The following ATOX1 variants were observed in gnomAD, a reference collection of about 807,000 sequenced individuals.
ATOX1 encodes the protein copper transport protein ATOX1.
In ATOX1, 4 loss-of-function variants were observed where a neutral mutation model predicts 7.3. That is an observed-to-expected ratio of 0.55 (90% CI 0.27 to 1.25). The LOEUF (loss-of-function observed/expected upper bound fraction) is 1.25. Among genes scored for constraint, ATOX1 ranks in the 50% most tolerant of loss-of-function variants. ATOX1 has a pLI of 0.12. For synonymous variants in ATOX1, 25 were observed against 28.7 expected, an observed-to-expected ratio of 0.87 and a Z score of 0.41; for missense variants, 68 against 81.6, an observed-to-expected ratio of 0.83 and a Z score of 0.64.
chr5:151,746,641 T>C lies in ATOX1; in HGVS notation c.83-192A>G, dbSNP rs187760467. ...GGCATTGTGGGTCACATATAGACTCTGTTGTATATTCTGTGTATTTTTTTT... is the reference window on the plus strand; with the variant it reads ...GGCATTGTGGGTCACATATAGACTCCGTTGTATATTCTGTGTATTTTTTTT... On this transcript the variant is annotated intron_variant, in intron 2 of 3. Transcript: ENST00000313115. The C allele has an allele frequency of 2.5e-4, 146 of 586,382 alleles. 1 individual carries two copies. In the East Asian group the frequency reaches 2.9e-3, roughly 12 times the overall value. The allele number at this position is 586,382 out of a possible 1,614,324, so 36.3% of individuals were successfully genotyped here.
intron 1 of ATOX1, 81 bp from the exon 2 acceptor site, chr5:151,751,860 G>T: frequency 7.1e-7 from 1 of 1,406,140 alleles, no homozygotes; most frequent in South Asian, 1.2e-5. Context: ...CCCACTCAGG[G>T]TCAAGACAGA....
chr5:151,755,072 A>G (rs1484408415), intron 1 of ATOX1, among the ~76,000 whole-genome samples: 1 of 151,656 alleles, frequency 6.6e-6, no homozygotes, highest in African/African-American at 2.4e-5. Flanking sequence ...AGAGTTGAGT[A>G]GTTGTACCAG....
At chr5:151,742,987 C>T (rs1222495624) in intron 3 of ATOX1, 28 bp from the exon 4 acceptor site, 1 of 152,360 alleles carries the variant, frequency 6.6e-6, no homozygotes. Flanking sequence ...TTAGATGGAA[C>T]AAAGGTGCCA....
At chr5:151,746,234 G>A (rs1761877044) in intron 3 of ATOX1, 45 bp downstream of exon 3, 11 of 1,543,760 alleles carry the variant, frequency 7.1e-6, no homozygotes, top group Non-Finnish European at 9.6e-6. Context: ...CTGATGAGAG[G>A]TGTGAGCTGT....
intron 2 of ATOX1, among the ~76,000 whole-genome samples, chr5:151,747,605 GAC>G (rs1761894963): frequency 7.8e-6 from 1 of 128,736 alleles, no homozygotes. Context: ...TTTTTTTTTT[GAC>G]ACAGAGTCTC....
Position 151,742,961 on chromosome 5 carries a change from T to G in ATOX1, c.*47-2A>C, listed in dbSNP as rs1355294723. The G allele has an allele frequency of 6.6e-6, 1 of 152,352 alleles. No individual in the cohort carries two copies. Among genetic ancestry groups the G allele is most frequent in the Non-Finnish European group, 1.5e-5 (1 of 68,130 alleles). 9.4% of individuals were successfully genotyped at this position (152,352 alleles called of 1,614,324 possible). On this transcript the variant is annotated splice_acceptor_variant, in intron 3 of 3. Coordinates refer to ENST00000313115, the MANE Select transcript of ATOX1 (RefSeq NM_004045.4). LOFTEE classifies it low-confidence loss of function (3UTR_SPLICE). ...GAAGCCAGCGGGAGGATCAGCATCCTAGGAAAGATGGAAAGTTAGATGGAA... is the reference window on the plus strand; with the variant it reads ...GAAGCCAGCGGGAGGATCAGCATCCGAGGAAAGATGGAAAGTTAGATGGAA...
chr5:151,754,460 A>C (rs1761987451), intron 1 of ATOX1, among the ~76,000 whole-genome samples: 2 of 152,016 alleles, frequency 1.3e-5, no homozygotes, highest in Admixed American at 1.3e-4. Flanking sequence ...AAATAGAAAA[A>C]AAATTAGCCA....
rs77073630 is a variant in ATOX1 at position 151,748,449 on chromosome 5, A to G, written c.83-2000T>C. 1.6e-3 allele frequency among the ~76,000 whole-genome samples: 243 copies of G among 152,216 alleles called. 4 individuals are homozygous for G. The highest frequency in any genetic ancestry group is 0.015 in the East Asian group (80 of 5,174). ...CTACCACTGTTCTTTTAGGGCCATAAGCAACTCAAAAAACCCTCCTGACCC... is the reference window on the plus strand; with the variant it reads ...CTACCACTGTTCTTTTAGGGCCATAGGCAACTCAAAAAACCCTCCTGACCC... On this transcript the variant is annotated intron_variant, in intron 2 of 3. Coordinates refer to ENST00000313115, the MANE Select transcript of ATOX1 (RefSeq NM_004045.4).
chr5:151,755,125 C>T (rs1157432198), intron 1 of ATOX1, among the ~76,000 whole-genome samples: 5 of 151,864 alleles, frequency 3.3e-5, no homozygotes, highest in Non-Finnish European at 7.4e-5. Flanking sequence ...ACTATCGGTG[C>T]CGTGTAAAAA....
At chr5:151,756,018 T>G (rs1762011212) in intron 1 of ATOX1, among the ~76,000 whole-genome samples, 2 of 149,668 alleles carry the variant, frequency 1.3e-5, no homozygotes, top group South Asian at 4.3e-4. Context: ...CTCAGCTCAC[T>G]GCAACCTCCG....
At chr5:151,753,127 A>ACCTCTC (rs1761971327) in intron 1 of ATOX1, among the ~76,000 whole-genome samples, 1 of 152,312 alleles carries the variant, frequency 6.6e-6, no homozygotes, top group South Asian at 2.1e-4. Flanking sequence ...CCACAAAGTG[A>ACCTCTC]GAGATTGAAC....
intron 1 of ATOX1, among the ~76,000 whole-genome samples, chr5:151,755,904 A>C (rs1171111669): frequency 1.3e-5 from 2 of 151,866 alleles, no homozygotes. Context: ...AGTAGGTTTA[A>C]AGTAGGTTTT....
In ATOX1 at chr5:151,758,504, G is replaced by A. The variant is rs367682786; in HGVS notation, c.6+42C>T. On this transcript the variant is annotated intron_variant, in intron 1 of 3. Transcript: ENST00000313115. ...CGGCTGTGCAGCCGAGAAGCAACCCGGGACTGCAAGTCTGCGTGGCGGGGA... is the reference window on the plus strand; with the variant it reads ...CGGCTGTGCAGCCGAGAAGCAACCCAGGACTGCAAGTCTGCGTGGCGGGGA... 5.2e-4 allele frequency: 765 copies of A among 1,482,660 alleles called. 2 individuals carry two copies. Among genetic ancestry groups the A allele is most frequent in the East Asian group, 3.0e-3 (108 of 36,558 alleles). 91.8% of individuals were successfully genotyped at this position (1,482,660 alleles called of 1,614,324 possible).
chr5:151,750,434 A>C (rs554737137), intron 2 of ATOX1, among the ~76,000 whole-genome samples: 2 of 147,954 alleles, frequency 1.4e-5, no homozygotes, highest in Non-Finnish European at 3.0e-5. Flanking sequence ...TGAACCCAGG[A>C]GGCAGAGGCT....
rs1351565065 is a variant in ATOX1, at chr5:151,751,742, C to T, written c.44G>A (p.Cys15Tyr). 1.2e-6 allele frequency: 2 copies of T among 1,609,794 alleles called. No homozygotes were observed. The highest frequency in any genetic ancestry group is 1.1e-5 in the South Asian group (1 of 89,728). ...GAGGACCCGAGAGACAGCTTCAGCA[C>T]AGCCTCCACAGGTCATGTCCACAGA... ...EFSVDMTCGG[C>Y]AEAVSRVLNK... is the part of the protein sequence containing the mutation. Residue 15 changes from cysteine to tyrosine, a missense_variant, in exon 2 of 4, where the codon TGT becomes TAT. Coordinates refer to ENST00000313115, the MANE Select transcript of ATOX1 (RefSeq NM_004045.4).
At chr5:151,755,008 C>T (rs887333461) in intron 1 of ATOX1, among the ~76,000 whole-genome samples, 14 of 139,490 alleles carry the variant, frequency 1.0e-4, no homozygotes, top group Admixed American at 1.0e-3. Context: ...AAAAGAAACA[C>T]AAAAACAAAA....
intron 1 of ATOX1, chr5:151,752,477 G>T (rs1349984183): frequency 1.5e-6 from 1 of 647,682 alleles, no homozygotes; most frequent in African/African-American, 1.8e-5. Flanking sequence ...CAGATCAAGG[G>T]TCTGAAGGTA....
At chr5:151,751,889 G>T in intron 1 of ATOX1, 110 bp from the exon 2 acceptor site, 2 of 1,068,808 alleles carry the variant, frequency 1.9e-6, no homozygotes, top group Non-Finnish European at 1.4e-6. Flanking sequence ...AGACTGGGCA[G>T]GACCTGGTTG....
chr5:151,749,528 A>G (rs1384536367), intron 2 of ATOX1, among the ~76,000 whole-genome samples: 1 of 149,556 alleles, frequency 6.7e-6, no homozygotes, highest in Non-Finnish European at 1.5e-5. Flanking sequence ...GCGGGCACCT[A>G]TAATCCCAGC....
Sources: gnomAD v4.1 joint callset for allele counts (sites outside exome capture counted in the v4.1 genomes callset) on GRCh38, gnomAD v4.1.1 for gene constraint, MANE v1.5 for transcripts, NCBI Gene and HGNC (gene_info 2026-07-23, HGNC 2026-07-21) for gene names.